The following INSYN2A variants were observed in gnomAD, a reference collection of about 807,000 sequenced individuals.
INSYN2A encodes the protein family with sequence similarity 196 member A.
A neutral mutation model predicts 39.4 loss-of-function variants in INSYN2A; 17 were observed. The observed-to-expected ratio is 0.43, with a 90% CI of 0.30 to 0.65. INSYN2A has a LOEUF of 0.65. Ranked by LOEUF, INSYN2A falls within the 30% of genes least tolerant of loss-of-function variation. INSYN2A has a pLI of 0.14. For missense variants in INSYN2A, 595 were observed against 631.2 expected (o/e 0.94, Z 0.61); for synonymous variants, 255 against 265.7 (o/e 0.96, Z 0.39).
chr10:127,161,611 A>G (rs1295603788), intron 4 of INSYN2A, among the ~76,000 whole-genome samples: 1 of 152,216 alleles, frequency 6.6e-6, no homozygotes, highest in East Asian at 1.9e-4. Flanking sequence ...GATGTCGAAC[A>G]GGGGTGAGTG....
chr10:127,175,049 T>TA lies in INSYN2A; in HGVS notation c.1184+162dup, dbSNP rs1452739041. The stretch of plus-strand genomic sequence containing the variant: ...CAGGATGCAGTGACGTCTAGTATCA[T>TA]AAAATAATCTGCGACCCCTTGGAGC... On this transcript the variant is annotated intron_variant, in intron 4 of 5. Coordinates refer to ENST00000522781, the MANE Select transcript of INSYN2A (RefSeq NM_001039762.3). The surrounding 1 kb of genome is among the most constrained non-coding windows in gnomAD (Gnocchi z 6.3). 2.6e-5 allele frequency among the ~76,000 whole-genome samples: 4 copies of TA among 152,152 alleles called. No individual in the cohort carries two copies. The highest frequency in any genetic ancestry group is 9.6e-5 in the African/African-American group (4 of 41,452).
rs117865567 is a variant in INSYN2A at position 127,174,241 on chromosome 10, C to T, written c.1184+971G>A. 1.3e-4 allele frequency among the ~76,000 whole-genome samples: 20 copies of T among 152,266 alleles called. No individual in the cohort carries two copies. The East Asian group carries it at 3.3e-3, about 25-fold the overall frequency. ...GTGCACATCACATGAGGCAACAGGG[C>T]GCTGCCTCCGATGTTACCTCCAGTA... On this transcript the variant is annotated intron_variant, in intron 4 of 5. Transcript: ENST00000522781.
At chr10:127,183,506 G>T (rs1314760258) in intron 2 of INSYN2A, among the ~76,000 whole-genome samples, 1 of 152,180 alleles carries the variant, frequency 6.6e-6, no homozygotes, top group African/African-American at 2.4e-5. Context: ...TTCTTGTAAT[G>T]AGCTTCTATT....
intron 2 of INSYN2A, among the ~76,000 whole-genome samples, chr10:127,179,676 A>G (rs1470319209): frequency 6.6e-6 from 1 of 152,196 alleles, no homozygotes; most frequent in African/African-American, 2.4e-5. Flanking sequence ...TACCATTAAG[A>G]AAATGATTTT....
rs774103764 is a variant in INSYN2A, at chr10:127,136,031, A to G, written c.*1806T>C. ...TCAACTTCCTCATTGTTCTTGCACCAAAATATTTCTCAGTTCCTTTTATTG... is the reference window on the plus strand; with the variant it reads ...TCAACTTCCTCATTGTTCTTGCACCGAAATATTTCTCAGTTCCTTTTATTG... On this transcript the variant is annotated 3_prime_UTR_variant, in exon 6 of 6. Coordinates refer to ENST00000522781, the MANE Select transcript of INSYN2A (RefSeq NM_001039762.3). 24 of 152,780 alleles carry G rather than the reference A, an allele frequency of 1.6e-4. No homozygotes were observed. The highest frequency in any genetic ancestry group is 3.5e-4 in the Non-Finnish European group (24 of 68,042). 9.5% of individuals were successfully genotyped at this position (152,780 alleles called of 1,614,324 possible).
At chr10:127,138,064 C>A (rs756411437) in intron 5 of INSYN2A, 44 bp from the exon 6 acceptor site, 1 of 1,524,042 alleles carries the variant, frequency 6.6e-7, no homozygotes, top group Non-Finnish European at 8.9e-7. Flanking sequence ...TGATCTTTTC[C>A]ATATGAAGAT....
rs559354918 is a variant in INSYN2A, at chr10:127,162,307, T to C, written c.1185-8384A>G. Among the ~76,000 whole-genome samples the C allele has an allele frequency of 2.6e-5, 4 of 152,312 alleles. No homozygotes were observed. The South Asian group carries it at 8.3e-4, about 32-fold the overall frequency. ...ATACAGTTGTGTCCCAATTGATTAG[T>C]TTAAGGGAGATCTATTTTTGTCATC... On this transcript the variant is annotated intron_variant, in intron 4 of 5. Coordinates refer to ENST00000522781, the MANE Select transcript of INSYN2A (RefSeq NM_001039762.3).
At chr10:127,140,230 A>G (rs1248131612) in intron 5 of INSYN2A, among the ~76,000 whole-genome samples, 1 of 152,218 alleles carries the variant, frequency 6.6e-6, no homozygotes, top group Non-Finnish European at 1.5e-5. Context: ...TAACCAATTT[A>G]TCACACCAAG....
intron 4 of INSYN2A, among the ~76,000 whole-genome samples, chr10:127,162,229 C>T (rs2053651224): frequency 3.3e-5 from 5 of 152,194 alleles, no homozygotes; most frequent in Admixed American, 3.3e-4. Context: ...CTTTTTCAGA[C>T]ACCCGTGTAA....
rs1323057740 is a variant in INSYN2A at position 127,176,176 on chromosome 10, C to G, written c.220G>C (p.Glu74Gln). The change falls in exon 4 of 6, where the codon GAG becomes CAG. Residue 74 changes from glutamate to glutamine, a missense_variant. Coordinates refer to ENST00000522781, the MANE Select transcript of INSYN2A (RefSeq NM_001039762.3). This position sits in a 1 kb window ranked among gnomAD's most constrained non-coding sequence, Gnocchi z 4.4. The part of the protein sequence containing the change: ...LSSGQLGEKR[E>Q]AKPVSCRAAY... ...GCTCTGCAGGACACGGGCTTGGCCT[C>G]CCGCTTCTCCCCCAGCTGGCCCGAG... is the stretch of plus-strand genomic sequence containing the variant. 1 of 1,614,012 alleles carries G rather than the reference C, an allele frequency of 6.2e-7. No homozygotes were observed. The highest frequency in any genetic ancestry group is 8.5e-7 in the Non-Finnish European group (1 of 1,180,038).
At chr10:127,163,447 C>T (rs1454704996) in intron 4 of INSYN2A, among the ~76,000 whole-genome samples, 5 of 152,208 alleles carry the variant, frequency 3.3e-5, no homozygotes, top group East Asian at 3.9e-4. Context: ...TGTTCCCGGG[C>T]GGGCAAACTT....
rs760783594 is a variant in INSYN2A, at chr10:127,176,167, G to T, written c.229C>A (p.Pro77Thr). Residue 77 changes from proline to threonine, a missense_variant, in exon 4 of 6, where the codon CCC becomes ACC. By Grantham distance (38) the Pro-to-Thr change is conservative (BLOSUM62 -1). This residue lies in a region of INSYN2A where 478 missense variants were observed against 467.4 expected (regional missense o/e 1.02). Transcript: ENST00000522781. The surrounding 1 kb of genome is among the most constrained non-coding windows in gnomAD (Gnocchi z 4.4). ...GQLGEKREAK[P>T]VSCRAAYRKY... ...CGGTAGGCTGCTCTGCAGGACACGG[G>T]CTTGGCCTCCCGCTTCTCCCCCAGC... 7 of 1,614,134 alleles carry T rather than the reference G, an allele frequency of 4.3e-6. No individual in the cohort carries two copies. The Middle Eastern group carries it at 4.9e-4, about 114-fold the overall frequency.
In INSYN2A at chr10:127,175,782, C is replaced by G; in HGVS notation, c.614G>C (p.Gly205Ala). Reference protein sequence around the residue: ...PCKSPEPLSYGEAALQNSTRP... With the variant: ...PCKSPEPLSYAEAALQNSTRP... ...AGTGGAGTTTTGGAGCGCAGCTTCTCCATAGCTGAGCGGCTCCGGGCTTTT... is the reference window on the plus strand; with the variant it reads ...AGTGGAGTTTTGGAGCGCAGCTTCTGCATAGCTGAGCGGCTCCGGGCTTTT... The change falls in exon 4 of 6, where the codon GGA becomes GCA. Residue 205 changes from glycine (G) to alanine (A), a missense_variant. Gly to Ala is a moderately conservative substitution (Grantham distance 60, BLOSUM62 0). Around this residue, in one of 2 missense-constraint regions of INSYN2A, gnomAD observed 478 missense variants for 467.4 expected, o/e 1.02. Transcript: ENST00000522781. This position sits in a 1 kb window ranked among gnomAD's most constrained non-coding sequence, Gnocchi z 6.3. 1 of 1,614,100 alleles carries G rather than the reference C, an allele frequency of 6.2e-7. No homozygotes were observed. Among genetic ancestry groups the G allele is most frequent in the Non-Finnish European group, 8.5e-7 (1 of 1,180,014 alleles).
rs2055155320 is a variant in INSYN2A, at chr10:127,176,361, G to T, written c.35C>A (p.Thr12Lys). The part of the protein sequence containing the change: ...VSKDTGKCIL[T>K]TSESEVEPAA... ...GGGTTCCACTTCACTCTCCGACGTTGTGAGTATGCATTTGCCGGTGTCCTT... is the reference window on the plus strand; with the variant it reads ...GGGTTCCACTTCACTCTCCGACGTTTTGAGTATGCATTTGCCGGTGTCCTT... Residue 12 changes from threonine (T) to lysine (K), a missense_variant, in exon 4 of 6, where the codon ACA becomes AAA. This residue lies in a region of INSYN2A where 478 missense variants were observed against 467.4 expected (regional missense o/e 1.02). Transcript: ENST00000522781. The surrounding 1 kb of genome is among the most constrained non-coding windows in gnomAD (Gnocchi z 4.4). 1 of 1,612,684 alleles carries T rather than the reference G, an allele frequency of 6.2e-7. No homozygotes were observed. Among genetic ancestry groups the T allele is most frequent in the Non-Finnish European group, 8.5e-7 (1 of 1,179,628 alleles).
intron 4 of INSYN2A, among the ~76,000 whole-genome samples, chr10:127,161,537 A>C (rs550249029): frequency 6.6e-6 from 1 of 152,284 alleles, no homozygotes; most frequent in African/African-American, 2.4e-5. Flanking sequence ...GAAGAGCACA[A>C]ATTGTGACCC....
At chr10:127,148,320 G>A (rs1639480520) in intron 5 of INSYN2A, among the ~76,000 whole-genome samples, 1 of 152,210 alleles carries the variant, frequency 6.6e-6, no homozygotes, top group Admixed American at 6.5e-5. Flanking sequence ...TGGTCACTCA[G>A]GGCTTGCAAC....
At chr10:127,158,950 C>A (rs2053338595) in intron 4 of INSYN2A, among the ~76,000 whole-genome samples, 1 of 152,144 alleles carries the variant, frequency 6.6e-6, no homozygotes, top group Admixed American at 6.5e-5. Flanking sequence ...CCTTCTAGAA[C>A]TGGGTTTTAT....
chr10:127,169,468 C>T (rs911871161), intron 4 of INSYN2A, among the ~76,000 whole-genome samples: 1 of 152,196 alleles, frequency 6.6e-6, no homozygotes, highest in Non-Finnish European at 1.5e-5. Context: ...CTGGCCTGAA[C>T]ATTTTTAGCT....
At chr10:127,138,433 T>C (rs899944345) in intron 5 of INSYN2A, among the ~76,000 whole-genome samples, 5 of 152,146 alleles carry the variant, frequency 3.3e-5, no homozygotes, top group African/African-American at 1.2e-4. Flanking sequence ...GCAAGGTCCG[T>C]TCCTGTGCAA....
Sources: gnomAD v4.1 joint callset for allele counts (sites outside exome capture counted in the v4.1 genomes callset) on GRCh38, gnomAD v4.1.1 for gene constraint, gnomAD v4.1.1 regional missense constraint, Gnocchi (gnomAD v3.1) non-coding constraint, MANE v1.5 for transcripts, NCBI Gene and HGNC (gene_info 2026-07-23, HGNC 2026-07-21) for gene names.